SNX4: variants seen among roughly 807,000 people sequenced by gnomAD.
SNX4 encodes the protein sorting nexin 4.
Under a neutral mutation model 70.8 loss-of-function variants are expected in SNX4, and 49 were observed. That is an observed-to-expected ratio of 0.69 (90% confidence interval 0.55 to 0.88). SNX4 has a LOEUF of 0.88. SNX4 is among the 40% of genes least tolerant of loss of function. The pLI, the probability that SNX4 is intolerant of heterozygous loss-of-function variation, is 0.00. For missense variants in SNX4, 528 were observed against 544.8 expected (o/e 0.97, Z 0.31); for synonymous variants, 206 against 183.8 (o/e 1.12, Z -0.98).
At chr3:125,460,068 C>G (rs1933837083) in intron 10 of SNX4, among the ~76,000 whole-genome samples, 1 of 151,786 alleles carries the variant, frequency 6.6e-6, no homozygotes. Context: ...TTGGCGGGCG[C>G]CTGTAATCCC....
chr3:125,481,492 A>T (rs1173164761), intron 6 of SNX4, among the ~76,000 whole-genome samples: 1 of 144,114 alleles, frequency 6.9e-6, no homozygotes, highest in Non-Finnish European at 1.5e-5. Flanking sequence ...CTTGTTGCCC[A>T]GACTGGAGTG....
At chr3:125,517,375 C>T (rs575318956) in intron 1 of SNX4, among the ~76,000 whole-genome samples, 10 of 152,266 alleles carry the variant, frequency 6.6e-5, no homozygotes, top group Non-Finnish European at 1.2e-4. Context: ...GCACAGCACA[C>T]GCAAAACTAA....
At chr3:125,513,922 TG>T (rs1464082491) in intron 1 of SNX4, among the ~76,000 whole-genome samples, 1 of 152,192 alleles carries the variant, frequency 6.6e-6, no homozygotes, top group Non-Finnish European at 1.5e-5. Flanking sequence ...TCCCGGAGGC[TG>T]GGAAGTCAGA....
chr3:125,495,612 C>T (rs1580001136), intron 5 of SNX4, among the ~76,000 whole-genome samples: 1 of 151,998 alleles, frequency 6.6e-6, no homozygotes, highest in East Asian at 1.9e-4. Context: ...TTAAGCAGCA[C>T]CTACACATAA....
chr3:125,481,997 C>T (rs1169116799), intron 6 of SNX4, among the ~76,000 whole-genome samples: 1 of 152,054 alleles, frequency 6.6e-6, no homozygotes, highest in Non-Finnish European at 1.5e-5. Context: ...GCCTCCCAAA[C>T]AGCTGAGACT....
At chr3:125,484,152 T>C (rs139363042) in intron 6 of SNX4, among the ~76,000 whole-genome samples, 49 of 152,344 alleles carry the variant, frequency 3.2e-4, no homozygotes, top group African/African-American at 1.1e-3. Context: ...TAGTTTGAGG[T>C]TGTCTATATC....
intron 5 of SNX4, among the ~76,000 whole-genome samples, chr3:125,494,674 G>T (rs1193997974): frequency 6.6e-6 from 1 of 152,060 alleles, no homozygotes; most frequent in Non-Finnish European, 1.5e-5. Context: ...TGTACGTCTG[G>T]GATGAATTCA....
At chr3:125,481,712 T>G (rs1579991725) in intron 6 of SNX4, among the ~76,000 whole-genome samples, 1 of 152,154 alleles carries the variant, frequency 6.6e-6, no homozygotes, top group Non-Finnish European at 1.5e-5. Flanking sequence ...GTGCTGGGAT[T>G]ACAAGCGTGA....
intron 6 of SNX4, among the ~76,000 whole-genome samples, chr3:125,481,561 G>A (rs568657164): frequency 4.0e-5 from 6 of 150,248 alleles, no homozygotes; most frequent in East Asian, 2.0e-4. Flanking sequence ...CAGTTTTCCC[G>A]CCTTAGCCTC....
chr3:125,473,341 C>G (rs1251509673), intron 8 of SNX4, among the ~76,000 whole-genome samples: 1 of 152,122 alleles, frequency 6.6e-6, no homozygotes, highest in African/African-American at 2.4e-5. Context: ...AACATCATAC[C>G]ACTTAAACTG....
intron 2 of SNX4, among the ~76,000 whole-genome samples, chr3:125,500,801 A>C (rs1580004570): frequency 1.4e-5 from 1 of 69,446 alleles, no homozygotes; most frequent in Admixed American, 1.4e-4. Flanking sequence ...CTCCGTCTCA[A>C]AAAAAAAAAA....
At chr3:125,519,751 G>T in intron 1 of SNX4, among the ~76,000 whole-genome samples, 1 of 151,904 alleles carries the variant, frequency 6.6e-6, no homozygotes, top group Admixed American at 6.6e-5. Context: ...GCCTGCGGGG[G>T]CGCCCCCCCG....
chr3:125,471,344 C>CAATAAAAAAAAAAA (rs1934166045), intron 8 of SNX4, among the ~76,000 whole-genome samples: 3 of 28,160 alleles, frequency 1.1e-4, no homozygotes, highest in Admixed American at 4.3e-4. Context: ...AGCTCCATCT[C>CAATAAAAAAAAAAA]AAAAAAAAAA....
At chr3:125,461,907 C>A (rs992948639) in intron 9 of SNX4, among the ~76,000 whole-genome samples, 1 of 152,162 alleles carries the variant, frequency 6.6e-6, no homozygotes, top group South Asian at 2.1e-4. Flanking sequence ...CTCGCCTCAG[C>A]CTCCCAAAGT....
intron 9 of SNX4, among the ~76,000 whole-genome samples, chr3:125,462,349 A>C (rs1933903216): frequency 6.6e-6 from 1 of 152,066 alleles, no homozygotes; most frequent in African/African-American, 2.4e-5. Flanking sequence ...CAGATGGAAA[A>C]GCTGTAACTG....
intron 1 of SNX4, among the ~76,000 whole-genome samples, chr3:125,506,733 T>C (rs1935050178): frequency 7.0e-6 from 1 of 142,054 alleles, no homozygotes; most frequent in Non-Finnish European, 1.5e-5. Context: ...ATTACAGGCA[T>C]GAGCCACCAT....
intron 6 of SNX4, among the ~76,000 whole-genome samples, chr3:125,487,165 T>C (rs1177741506): frequency 6.6e-6 from 1 of 152,098 alleles, no homozygotes; most frequent in East Asian, 1.9e-4. Flanking sequence ...ATAAAAAATC[T>C]ATTGTAACAG....
intron 1 of SNX4, among the ~76,000 whole-genome samples, chr3:125,510,981 C>T (rs956236712): frequency 2.6e-5 from 4 of 152,230 alleles, no homozygotes; most frequent in African/African-American, 7.2e-5. Context: ...TGCAATGGCA[C>T]GATCTCGGCT....
chr3:125,453,624 C>T (rs1349166494), intron 12 of SNX4, among the ~76,000 whole-genome samples, 186 bp downstream of exon 12: 1 of 152,022 alleles, frequency 6.6e-6, no homozygotes, highest in East Asian at 1.9e-4. Context: ...GTCAGGATTA[C>T]AGGCGTGAGC....
Sources: gnomAD v4.1 joint callset for allele counts (sites outside exome capture counted in the v4.1 genomes callset) on GRCh38, gnomAD v4.1.1 for gene constraint, MANE v1.5 for transcripts, NCBI Gene and HGNC (gene_info 2026-07-23, HGNC 2026-07-21) for gene names.